Variants in PTPRN2 observed in about 807,000 individuals in gnomAD.
PTPRN2 encodes the protein receptor-type tyrosine-protein phosphatase N2.
A neutral mutation model predicts 118.8 loss-of-function variants in PTPRN2; 74 were observed. That is an observed-to-expected ratio of 0.62 (90% CI 0.52 to 0.76). The LOEUF is 0.76. Ranked by LOEUF, PTPRN2 falls within the 30% of genes least tolerant of loss-of-function variation. PTPRN2 has a pLI of 0.00. For synonymous variants in PTPRN2, 641 were observed against 608.0 expected (o/e 1.05, Z -0.80); for missense variants, 1,481 against 1,394.4 (o/e 1.06, Z -0.99).
intron 12 of PTPRN2, among the ~76,000 whole-genome samples, chr7:157,755,035 G>T (rs920300415): frequency 1.3e-5 from 2 of 152,188 alleles, no homozygotes; most frequent in East Asian, 3.9e-4. Context: ...ATGGGTGTGC[G>T]CTGCCACGCC....
At chr7:157,847,283 T>C in intron 12 of PTPRN2, among the ~76,000 whole-genome samples, 1 of 118,054 alleles carries the variant, frequency 8.5e-6, no homozygotes, top group African/African-American at 3.3e-5. Context: ...TGGCCAATGT[T>C]TACAGAGCCC....
chr7:157,691,472 C>A (rs773781716), intron 12 of PTPRN2, among the ~76,000 whole-genome samples: 89 of 148,806 alleles, frequency 6.0e-4, no homozygotes, highest in Non-Finnish European at 1.1e-3. Context: ...TGATTCAGGG[C>A]GAGTAGACGA....
At chr7:158,495,036 C>T (rs1241569792) in intron 1 of PTPRN2, among the ~76,000 whole-genome samples, 1 of 152,126 alleles carries the variant, frequency 6.6e-6, no homozygotes, top group Non-Finnish European at 1.5e-5. Flanking sequence ...CCTCTACAGC[C>T]TTAAAAAAAA....
At chr7:158,504,479 G>A (rs746757653) in intron 1 of PTPRN2, among the ~76,000 whole-genome samples, 12 of 152,110 alleles carry the variant, frequency 7.9e-5, no homozygotes, top group East Asian at 1.9e-4. Context: ...TTAGTTTGCC[G>A]AGGATAACAG....
chr7:157,776,039 G>T (rs953035682), intron 12 of PTPRN2, among the ~76,000 whole-genome samples: 65 of 151,138 alleles, frequency 4.3e-4, no homozygotes, highest in African/African-American at 1.5e-3. Flanking sequence ...GGCGGAGGGG[G>T]CGTCACCTCC....
chr7:157,716,687 TG>T (rs1292041382), intron 12 of PTPRN2, among the ~76,000 whole-genome samples: 2 of 62,148 alleles, frequency 3.2e-5, no homozygotes, highest in Non-Finnish European at 5.9e-5. Context: ...GCGGGAACAC[TG>T]CCTGGTCACA....
At chr7:158,164,472 G>A (rs1017647782) in intron 6 of PTPRN2, among the ~76,000 whole-genome samples, 5 of 147,846 alleles carry the variant, frequency 3.4e-5, no homozygotes, top group South Asian at 2.2e-4. Flanking sequence ...AGGAGCGCGC[G>A]CGTAGGAAGG....
intron 10 of PTPRN2, among the ~76,000 whole-genome samples, chr7:158,107,456 C>A (rs1447635994): frequency 6.6e-6 from 1 of 152,096 alleles, no homozygotes; most frequent in Non-Finnish European, 1.5e-5. Flanking sequence ...CAGCCCCTGC[C>A]CACCCGCCAC....
At chr7:158,397,420 A>G (rs1217518793) in intron 2 of PTPRN2, among the ~76,000 whole-genome samples, 1 of 152,138 alleles carries the variant, frequency 6.6e-6, no homozygotes, top group Non-Finnish European at 1.5e-5. Context: ...GTTGCCCTCC[A>G]AGTGGCCAGG....
intron 17 of PTPRN2, among the ~76,000 whole-genome samples, chr7:157,579,755 C>A (rs919979403): frequency 5.9e-5 from 9 of 152,210 alleles, no homozygotes; most frequent in Non-Finnish European, 8.8e-5. Context: ...ATCCCAAAGG[C>A]GCTCTGGGGA....
At chr7:158,283,227 T>C (rs1799547567) in intron 3 of PTPRN2, among the ~76,000 whole-genome samples, 1 of 152,216 alleles carries the variant, frequency 6.6e-6, no homozygotes, top group Middle Eastern at 3.2e-3. Flanking sequence ...AGTACTTCAG[T>C]CAGGCGGCAG....
chr7:158,165,296 A>C lies in PTPRN2; in HGVS notation c.910+1635T>G, dbSNP rs1358032159. Among the ~76,000 whole-genome samples the C allele has an allele frequency of 3.9e-5, 6 of 152,322 alleles. No individual in the cohort carries two copies. The East Asian group carries it at 7.7e-4, about 20-fold the overall frequency. On this transcript the variant is annotated intron_variant, in intron 6 of 22. Coordinates refer to ENST00000389418, the MANE Select transcript of PTPRN2 (RefSeq NM_002847.5). ...AGTAGAGCATGGCTTAGAACAGAGG[A>C]GACGTCGTCCCAGAGGGAGAGGTGC... is the stretch of plus-strand genomic sequence containing the variant.
At chr7:157,670,941 C>G (rs1309900247) in intron 13 of PTPRN2, among the ~76,000 whole-genome samples, 1 of 152,126 alleles carries the variant, frequency 6.6e-6, no homozygotes, top group African/African-American at 2.4e-5. Flanking sequence ...TTGCACCTTC[C>G]TAATTTTCTT....
intron 12 of PTPRN2, among the ~76,000 whole-genome samples, chr7:157,732,126 TTCCGCC>T (rs1799978343): frequency 1.2e-5 from 1 of 86,840 alleles, no homozygotes. Flanking sequence ...AGTTACTCTT[TTCCGCC>T]CCATGCGCCC....
intron 11 of PTPRN2, among the ~76,000 whole-genome samples, chr7:158,072,767 G>A (rs1812041193): frequency 6.6e-6 from 1 of 152,220 alleles, no homozygotes; most frequent in Admixed American, 6.5e-5. Flanking sequence ...TCCAGCTGCT[G>A]TGTAGCCCTG....
chr7:157,750,018 G>A (rs1360738349), intron 12 of PTPRN2, among the ~76,000 whole-genome samples: 2 of 151,892 alleles, frequency 1.3e-5, no homozygotes, highest in African/African-American at 2.4e-5. Context: ...TAGACTGTTC[G>A]GGTGACTCTG....
intron 10 of PTPRN2, among the ~76,000 whole-genome samples, chr7:158,087,664 T>C (rs13227474): frequency 0.023 from 1,168 of 49,706 alleles, 7 homozygotes; most frequent in Middle Eastern, 0.12. Flanking sequence ...CCTCCCCTGA[T>C]GAAGGAGGGA....
At chr7:157,646,681 C>G (rs1242767602) in intron 14 of PTPRN2, among the ~76,000 whole-genome samples, 1 of 152,152 alleles carries the variant, frequency 6.6e-6, no homozygotes, top group African/African-American at 2.4e-5. Flanking sequence ...AGGTACAGAA[C>G]AGAGTCCCAG....
At chr7:157,999,587 G>C (rs988907327) in intron 11 of PTPRN2, among the ~76,000 whole-genome samples, 1 of 152,178 alleles carries the variant, frequency 6.6e-6, no homozygotes, top group African/African-American at 2.4e-5. Context: ...GCACCCACCG[G>C]AGATGAGGCC....
Sources: allele counts gnomAD v4.1 joint callset (sites outside exome capture counted in the v4.1 genomes callset), GRCh38; gene constraint gnomAD v4.1.1; transcripts MANE v1.5; gene names NCBI Gene and HGNC (gene_info 2026-07-23, HGNC 2026-07-21).